Variants in SHB observed in about 807,000 individuals in gnomAD.
SHB encodes SH2 domain containing adaptor protein B, also known as SH2 domain-containing adapter protein B.
SHB carries 20 observed loss-of-function variants against 52.3 expected under a neutral mutation model. That is an observed-to-expected ratio of 0.38 (90% CI 0.27 to 0.56). SHB has a LOEUF of 0.56. SHB is among the 20% of genes least tolerant of loss of function. SHB has a pLI of 0.71. For synonymous variants in SHB, 397 were observed against 316.5 expected (o/e 1.25, Z -2.70); for missense variants, 825 against 723.3 (o/e 1.14, Z -1.61).
intron 3 of SHB, among the ~76,000 whole-genome samples, chr9:37,959,729 T>A (rs1564088595): frequency 6.6e-6 from 1 of 152,010 alleles, no homozygotes; most frequent in Non-Finnish European, 1.5e-5. Flanking sequence ...TCCACCAATC[T>A]CTTCACCTCA....
intron 2 of SHB, among the ~76,000 whole-genome samples, chr9:37,985,348 G>A (rs184361512): frequency 5.9e-5 from 9 of 152,378 alleles, no homozygotes; most frequent in African/African-American, 1.4e-4. Flanking sequence ...GAGAGACAAA[G>A]CCTGCAAACC....
In SHB at chr9:37,990,354, C is replaced by T. The variant is rs551585921; in HGVS notation, c.839-15517G>A. Among the ~76,000 whole-genome samples, 9 of 152,272 alleles carry T rather than the reference C, an allele frequency of 5.9e-5. No homozygotes were observed. The South Asian group carries it at 1.0e-3, about 18-fold the overall frequency. Reference sequence around the variant, plus strand: ...GCTTCTACCATTTTCTAGCCCTTTGCGTGCTCAGGCTCACCCCACCCCACC... The same window carrying T: ...GCTTCTACCATTTTCTAGCCCTTTGTGTGCTCAGGCTCACCCCACCCCACC... On this transcript the variant is annotated intron_variant, in intron 2 of 5. Coordinates refer to ENST00000377707, the MANE Select transcript of SHB (RefSeq NM_003028.3).
At chr9:37,989,469 G>C (rs578028999) in intron 2 of SHB, among the ~76,000 whole-genome samples, 1 of 152,244 alleles carries the variant, frequency 6.6e-6, no homozygotes, top group Non-Finnish European at 1.5e-5. Context: ...TCACCTGCCA[G>C]GGGTCAACCA....
intron 1 of SHB, among the ~76,000 whole-genome samples, chr9:38,016,758 C>T (rs540196264): frequency 6.6e-6 from 1 of 152,184 alleles, no homozygotes; most frequent in Non-Finnish European, 1.5e-5. Context: ...CAGTAAGGAC[C>T]TGAAAGCAAC....
At chr9:37,928,318 G>T (rs1185443558) in intron 5 of SHB, among the ~76,000 whole-genome samples, 1 of 152,220 alleles carries the variant, frequency 6.6e-6, no homozygotes, top group African/African-American at 2.4e-5. Context: ...AATGACAAAA[G>T]CAGGCTTCTC....
intron 2 of SHB, among the ~76,000 whole-genome samples, chr9:37,999,123 A>G (rs1205112538): frequency 6.6e-6 from 1 of 152,172 alleles, no homozygotes; most frequent in Admixed American, 6.5e-5. Context: ...GGAACCCTAT[A>G]GGGTGTGGGA....
intron 1 of SHB, among the ~76,000 whole-genome samples, chr9:38,020,054 G>A (rs970191509): frequency 6.6e-6 from 1 of 152,202 alleles, no homozygotes; most frequent in Non-Finnish European, 1.5e-5. Flanking sequence ...GTTAAAGAAA[G>A]GGTCTGGGAG....
intron 1 of SHB, among the ~76,000 whole-genome samples, chr9:38,055,371 T>C (rs1349488861): frequency 6.6e-6 from 1 of 152,152 alleles, no homozygotes; most frequent in African/African-American, 2.4e-5. Flanking sequence ...AAACAGGCTA[T>C]AGTGGTCTGG....
chr9:38,051,804 A>G (rs1821754380), intron 1 of SHB, among the ~76,000 whole-genome samples: 1 of 152,122 alleles, frequency 6.6e-6, no homozygotes, highest in Non-Finnish European at 1.5e-5. Context: ...CCTCTGATGG[A>G]GTGGTGAATG....
chr9:37,936,654 T>C (rs1444048533), intron 5 of SHB: 1 of 152,222 alleles, frequency 6.6e-6, no homozygotes, highest in East Asian at 1.9e-4. Context: ...AGATGTTAGA[T>C]GGCAAATTTA....
intron 2 of SHB, among the ~76,000 whole-genome samples, chr9:37,992,467 A>C (rs1323218271): frequency 6.6e-6 from 1 of 152,216 alleles, no homozygotes; most frequent in Non-Finnish European, 1.5e-5. Flanking sequence ...TGGCCTAAAA[A>C]CGTGGTCTTC....
chr9:37,933,114 A>G (rs1832332317), intron 5 of SHB, among the ~76,000 whole-genome samples: 1 of 152,244 alleles, frequency 6.6e-6, no homozygotes, highest in Non-Finnish European at 1.5e-5. Context: ...TTTCAAAGGC[A>G]TCGGGTTGAC....
chr9:37,958,172 A>T (rs1365672943), intron 3 of SHB, among the ~76,000 whole-genome samples: 2 of 152,222 alleles, frequency 1.3e-5, no homozygotes, highest in African/African-American at 2.4e-5. Flanking sequence ...TAGCTGGCTA[A>T]TTAGAGGGAC....
intron 1 of SHB, among the ~76,000 whole-genome samples, chr9:38,023,073 C>A (rs1000215850): frequency 1.3e-4 from 20 of 152,238 alleles, no homozygotes; most frequent in Non-Finnish European, 2.5e-4. Context: ...GGTTGCAGAA[C>A]CCCTGCCATG....
chr9:38,062,612 G>T (rs1458828086), intron 1 of SHB, among the ~76,000 whole-genome samples: 1 of 152,110 alleles, frequency 6.6e-6, no homozygotes, highest in Admixed American at 6.6e-5. Flanking sequence ...TCCTAAACCA[G>T]CCCACCAAAC....
Position 38,068,108 on chromosome 9 carries a change from A to T in SHB, c.538T>A (p.Ser180Thr). Reference sequence around the variant, plus strand: ...ACTTTGATGAGGCGGTGCTTGGGGGAGATGTAGCGCACCTCGGCCGGCGTG... The same window carrying T: ...ACTTTGATGAGGCGGTGCTTGGGGGTGATGTAGCGCACCTCGGCCGGCGTG... ...PATPAEVRYISPKHRLIKVES... is the reference protein window; with the variant it reads ...PATPAEVRYITPKHRLIKVES... The change falls in exon 1 of 6, where the codon TCC becomes ACC. Residue 180 changes from serine (S) to threonine (T), a missense_variant. Physicochemically the swap from Ser to Thr is moderately conservative, Grantham distance 58. Coordinates refer to ENST00000377707, the MANE Select transcript of SHB (RefSeq NM_003028.3). 1 of 1,480,932 alleles carries T rather than the reference A, an allele frequency of 6.8e-7. No individual in the cohort carries two copies. Among genetic ancestry groups the T allele is most frequent in the East Asian group, 2.8e-5 (1 of 36,048 alleles). The allele number at this position is 1,480,932 out of a possible 1,614,324, so 91.7% of individuals were successfully genotyped here.
intron 1 of SHB, among the ~76,000 whole-genome samples, chr9:38,018,644 T>C (rs1821247129): frequency 6.6e-6 from 1 of 152,086 alleles, no homozygotes; most frequent in South Asian, 2.1e-4. Context: ...TTGAGCAACC[T>C]GAAACTTTGC....
intron 2 of SHB, among the ~76,000 whole-genome samples, chr9:38,011,480 C>T (rs1314646247): frequency 2.0e-5 from 3 of 152,190 alleles, no homozygotes; most frequent in Non-Finnish European, 2.9e-5. Context: ...ACCCAGATCC[C>T]TCCTATTCAG....
intron 2 of SHB, among the ~76,000 whole-genome samples, chr9:37,989,842 A>G (rs1820861275): frequency 6.6e-6 from 1 of 152,218 alleles, no homozygotes; most frequent in South Asian, 2.1e-4. Flanking sequence ...GTGGGATGCC[A>G]TGCACAAGAG....
Sources: allele counts gnomAD v4.1 joint callset (sites outside exome capture counted in the v4.1 genomes callset), GRCh38; gene constraint gnomAD v4.1.1; transcripts MANE v1.5; gene names NCBI Gene and HGNC (gene_info 2026-07-23, HGNC 2026-07-21).